The following RRAGD variants were observed in gnomAD, a reference collection of about 807,000 sequenced individuals.
RRAGD encodes Ras related GTP binding D.
Under a neutral mutation model 35.5 loss-of-function variants are expected in RRAGD, and 12 were observed. The ratio of observed to expected loss-of-function variants is 0.34; its 90% CI spans 0.22 to 0.55. The LOEUF (loss-of-function observed/expected upper bound fraction) is 0.55, where lower values mean the gene tolerates loss of function less well. Ranked by LOEUF, RRAGD falls within the 20% of genes least tolerant of loss-of-function variation. The pLI, the probability that RRAGD is intolerant of heterozygous loss-of-function variation, is 0.91. For synonymous variants in RRAGD, 155 were observed against 178.9 expected, an observed-to-expected ratio of 0.87 and a Z score of 1.07; for missense variants, 324 against 490.1, an observed-to-expected ratio of 0.66 and a Z score of 3.20.
At position 89,411,964 on chromosome 6, in the gene RRAGD, C is replaced by T; in HGVS notation, c.30G>A (p.Pro10=). 6 of 1,536,920 alleles carry T rather than the reference C, an allele frequency of 3.9e-6. No homozygotes were observed. The highest frequency in any genetic ancestry group is 4.9e-5 in the East Asian group (2 of 40,692). ...CCTCCTCCGCGTCGTCCTCGTCCTG[C>T]GGCTGCGGCTTCCCCAGCACCTGGC... MSQVLGKPQ[P]QDEDDAEEEE... is the part of the protein sequence containing the mutation. Residue 10 remains proline (P), a synonymous_variant, in exon 1 of 7, where the codon CCG becomes CCA. Transcript: ENST00000369415. This position sits in a 1 kb window ranked among gnomAD's most constrained non-coding sequence, Gnocchi z 5.6.
chr6:89,408,951 T>C (rs553738505), intron 1 of RRAGD, among the ~76,000 whole-genome samples: 2 of 152,282 alleles, frequency 1.3e-5, no homozygotes, highest in South Asian at 4.1e-4. Context: ...GAGACTCACC[T>C]TACCTGCAAT....
chr6:89,384,228 C>T (rs762639094), intron 2 of RRAGD, among the ~76,000 whole-genome samples: 107 of 152,190 alleles, frequency 7.0e-4, no homozygotes, highest in Admixed American at 2.0e-3. Flanking sequence ...ATGATTTTTA[C>T]ATTCTGCTTC....
At chr6:89,398,109 C>T (rs534740932) in intron 1 of RRAGD, among the ~76,000 whole-genome samples, 12 of 151,350 alleles carry the variant, frequency 7.9e-5, no homozygotes, top group East Asian at 1.9e-4. Flanking sequence ...TGCGTCACTG[C>T]GCTCCAGCCT....
chr6:89,392,732 C>T (rs1197151756), intron 1 of RRAGD, among the ~76,000 whole-genome samples: 1 of 152,088 alleles, frequency 6.6e-6, no homozygotes, highest in African/African-American at 2.4e-5. Flanking sequence ...ATATATAATA[C>T]TTTGATGTTT....
intron 5 of RRAGD, among the ~76,000 whole-genome samples, chr6:89,374,995 A>G (rs1768914206): frequency 6.6e-6 from 1 of 152,224 alleles, no homozygotes; most frequent in Admixed American, 6.5e-5. Flanking sequence ...AGAAAATAGC[A>G]TTTAAAATTT....
At chr6:89,384,325 T>A (rs540469183) in intron 2 of RRAGD, among the ~76,000 whole-genome samples, 4 of 152,328 alleles carry the variant, frequency 2.6e-5, no homozygotes, top group Non-Finnish European at 5.9e-5. Context: ...ATGCTTTTCC[T>A]ACTGTTTATT....
Position 89,412,033 on chromosome 6 carries a change from C to G in RRAGD, c.-40G>C. 1 of 1,513,372 alleles carries G rather than the reference C, an allele frequency of 6.6e-7. No individual in the cohort carries two copies. 93.7% of individuals were successfully genotyped at this position (1,513,372 alleles called of 1,614,324 possible). ...GGCCGGCCCGGGGACGGCGGGGGTC[C>G]CGGGGTGGGGGCCAAGCCTCCTAGC... On this transcript the variant is annotated 5_prime_UTR_variant, in exon 1 of 7. Coordinates refer to ENST00000369415, the MANE Select transcript of RRAGD (RefSeq NM_021244.5). The surrounding 1 kb of genome is among the most constrained non-coding windows in gnomAD (Gnocchi z 4.2).
At chr6:89,383,255 T>C (rs1036772574) in intron 2 of RRAGD, among the ~76,000 whole-genome samples, 2 of 152,192 alleles carry the variant, frequency 1.3e-5, no homozygotes, top group Non-Finnish European at 2.9e-5. Flanking sequence ...TAAGGGAACA[T>C]GTCTGTGAGC....
At chr6:89,406,690 C>G (rs1769585834) in intron 1 of RRAGD, among the ~76,000 whole-genome samples, 2 of 152,158 alleles carry the variant, frequency 1.3e-5, no homozygotes, top group Admixed American at 1.3e-4. Flanking sequence ...TCCGGTACAC[C>G]AAGGCAAGAA....
chr6:89,389,501 G>T (rs145877894), intron 1 of RRAGD, among the ~76,000 whole-genome samples: 2,429 of 149,966 alleles, frequency 0.016, 26 homozygotes, highest in Non-Finnish European at 0.024. Context: ...GCTTGCAGTG[G>T]GCCGAGATCA....
intron 1 of RRAGD, among the ~76,000 whole-genome samples, chr6:89,389,695 C>T (rs1051774784): frequency 1.3e-5 from 2 of 152,106 alleles, no homozygotes; most frequent in Non-Finnish European, 2.9e-5. Flanking sequence ...TGGTAAGCAG[C>T]CTTCCTAATT....
intron 1 of RRAGD, among the ~76,000 whole-genome samples, chr6:89,406,064 A>G (rs1273322513): frequency 6.6e-6 from 1 of 152,228 alleles, no homozygotes; most frequent in Non-Finnish European, 1.5e-5. Context: ...TGATTCTTTT[A>G]TTTAGCGTGA....
In RRAGD at chr6:89,411,660, C is replaced by T. The variant is rs966400126; in HGVS notation, c.148+186G>A. Among the ~76,000 whole-genome samples the T allele has an allele frequency of 6.6e-6, 1 of 152,202 alleles. No homozygotes were observed. Among genetic ancestry groups the T allele is most frequent in the Non-Finnish European group, 1.5e-5 (1 of 68,032 alleles). On this transcript the variant is annotated intron_variant, in intron 1 of 6. Transcript: ENST00000369415. The surrounding 1 kb of genome is among the most constrained non-coding windows in gnomAD (Gnocchi z 5.6). The stretch of plus-strand genomic sequence containing the variant: ...CTGGTTGCCCCTCCGCCACCAGCAC[C>T]GCGCTCCCTCATTTGGCAGCTCGAG...
At position 89,365,869 on chromosome 6, in the gene RRAGD, A is replaced by T. The variant is rs1768733449; in HGVS notation, c.*2187T>A. 6.6e-6 allele frequency: 1 copy of T among 152,242 alleles called. No individual in the cohort carries two copies. Among genetic ancestry groups the T allele is most frequent in the Non-Finnish European group, 1.5e-5 (1 of 68,040 alleles). 9.4% of individuals were successfully genotyped at this position (152,242 alleles called of 1,614,324 possible). On this transcript the variant is annotated 3_prime_UTR_variant, in exon 7 of 7. Transcript: ENST00000369415. The stretch of plus-strand genomic sequence containing the variant: ...GTCTCTAGCTTGAGGATAAAGTCAT[A>T]TTAGAAAACTGATTCTTCATTTGCT...
intron 6 of RRAGD, among the ~76,000 whole-genome samples, chr6:89,371,679 G>C (rs750171011): frequency 1.3e-5 from 2 of 152,060 alleles, no homozygotes; most frequent in African/African-American, 4.8e-5. Context: ...AACATATTCA[G>C]GATATGTAAC....
intron 4 of RRAGD, among the ~76,000 whole-genome samples, chr6:89,378,472 C>T (rs1433951564): frequency 6.6e-6 from 1 of 152,174 alleles, no homozygotes; most frequent in Non-Finnish European, 1.5e-5. Flanking sequence ...TAAACAAACA[C>T]ACTCAAAATT....
At position 89,374,730 on chromosome 6, in the gene RRAGD, C is replaced by CA. The variant is rs879770049; in HGVS notation, c.903-2146dup. On this transcript the variant is annotated intron_variant, in intron 5 of 6. Coordinates refer to ENST00000369415, the MANE Select transcript of RRAGD (RefSeq NM_021244.5). ...GGGCAACAAGAGCGAAACTCCATCT[C>CA]AAAAAAAAAAAAAGTAAATTGTGGA... is the stretch of plus-strand genomic sequence containing the variant. Among the ~76,000 whole-genome samples the CA allele has an allele frequency of 7.1e-3, 934 of 130,790 alleles. 1 individual carries two copies. Among genetic ancestry groups the CA allele is most frequent in the Non-Finnish European group, 0.011 (680 of 60,812 alleles). 85.8% of individuals were successfully genotyped at this position (130,790 alleles called of 152,430 possible). A position where few individuals can be genotyped will look rare whatever the true frequency, so the allele number is the denominator to read the frequency against.
At position 89,387,284 on chromosome 6, in the gene RRAGD, CTG is replaced by C. The variant is rs1769152973; in HGVS notation, c.444+9_444+10del. On this transcript the variant is annotated intron_variant, in intron 2 of 6. Coordinates refer to ENST00000369415, the MANE Select transcript of RRAGD (RefSeq NM_021244.5). ...GCCAGGCCATCATACCCCTGAGACT[CTG>C]AGCTTTACCTGTGAGTCAATGACAA... is the stretch of plus-strand genomic sequence containing the variant. 6.2e-7 allele frequency: 1 copy of C among 1,609,574 alleles called. No individual in the cohort carries two copies. Among genetic ancestry groups the C allele is most frequent in the Non-Finnish European group, 8.5e-7 (1 of 1,176,464 alleles).
In RRAGD at chr6:89,368,146, T is replaced by C; in HGVS notation, c.1113A>G (p.Arg371=). The change falls in exon 7 of 7, where the codon AGA becomes AGG. Residue 371 remains arginine, a synonymous_variant. Transcript: ENST00000369415. ...RKAIHEVFEV[R]MKVVKSRKVQ... is the part of the protein sequence containing the mutation. Reference sequence around the variant, plus strand: ...CCTTTCGAGATTTTACTACTTTCATTCTCACCTCAAAAACTTCATGAATGG... The same window carrying C: ...CCTTTCGAGATTTTACTACTTTCATCCTCACCTCAAAAACTTCATGAATGG... 6.2e-7 allele frequency: 1 copy of C among 1,613,942 alleles called. No homozygotes were observed. The highest frequency in any genetic ancestry group is 8.5e-7 in the Non-Finnish European group (1 of 1,179,896).
Sources: gnomAD v4.1 joint callset for allele counts (sites outside exome capture counted in the v4.1 genomes callset) on GRCh38, gnomAD v4.1.1 for gene constraint, Gnocchi (gnomAD v3.1) non-coding constraint, MANE v1.5 for transcripts, NCBI Gene and HGNC (gene_info 2026-07-23, HGNC 2026-07-21) for gene names.